The following ZNF385D variants were observed in gnomAD, a reference collection of about 807,000 sequenced individuals.
The protein encoded by ZNF385D is zinc finger protein 659.
A neutral mutation model predicts 35.8 loss-of-function variants in ZNF385D; 15 were observed. That is an observed-to-expected ratio of 0.42 (90% CI 0.28 to 0.64). ZNF385D has a LOEUF of 0.64. Among genes scored for constraint, ZNF385D ranks in the 30% least tolerant of loss-of-function variants. The pLI is 0.23. For synonymous variants in ZNF385D, 212 were observed against 186.8 expected, an observed-to-expected ratio of 1.13 and a Z score of -1.10; for missense variants, 474 against 494.6, an observed-to-expected ratio of 0.96 and a Z score of 0.39.
At chr3:22,096,690 T>C (rs1270731011) in intron 3 of ZNF385D, among the ~76,000 whole-genome samples, 3 of 151,990 alleles carry the variant, frequency 2.0e-5, no homozygotes, top group Non-Finnish European at 4.4e-5. Flanking sequence ...TGTGATGCAG[T>C]CAAAATAAAG....
At chr3:22,165,902 A>G (rs1489589347) in intron 3 of ZNF385D, among the ~76,000 whole-genome samples, 1 of 152,170 alleles carries the variant, frequency 6.6e-6, no homozygotes, top group African/African-American at 2.4e-5. Context: ...CTTTCTATTG[A>G]TTCCTGCTCT....
At chr3:22,061,046 A>C (rs2125541423) in intron 3 of ZNF385D, among the ~76,000 whole-genome samples, 1 of 152,264 alleles carries the variant, frequency 6.6e-6, no homozygotes, top group Non-Finnish European at 1.5e-5. Flanking sequence ...TTGATTTCTC[A>C]TTCTCTGAGG....
intron 2 of ZNF385D, among the ~76,000 whole-genome samples, chr3:21,565,879 C>A (rs975302): frequency 6.6e-6 from 1 of 151,542 alleles, no homozygotes; most frequent in South Asian, 2.1e-4. Flanking sequence ...AGAAATGACT[C>A]TCTAATATTC....
chr3:22,100,436 A>G (rs1370774811), intron 3 of ZNF385D, among the ~76,000 whole-genome samples: 2 of 151,266 alleles, frequency 1.3e-5, no homozygotes, highest in Non-Finnish European at 2.9e-5. Context: ...ACCAACCCAA[A>G]TGTCCAACAA....
rs148168228 is a variant in ZNF385D at position 21,443,862 on chromosome 3, T to C, written c.440-6659A>G. Among the ~76,000 whole-genome samples the C allele has an allele frequency of 2.6e-5, 4 of 152,298 alleles. No individual in the cohort carries two copies. In the East Asian group the frequency reaches 7.7e-4, roughly 29 times the overall value. On this transcript the variant is annotated intron_variant, in intron 4 of 7. Coordinates refer to ENST00000281523, the MANE Select transcript of ZNF385D (RefSeq NM_024697.3). ...GATTTTAAAATTTACAAAACAAAAATATTGAACTGAAACTTTTGAGATGAT... is the reference window on the plus strand; with the variant it reads ...GATTTTAAAATTTACAAAACAAAAACATTGAACTGAAACTTTTGAGATGAT...
At chr3:21,882,700 G>A (rs1379156834) in intron 3 of ZNF385D, among the ~76,000 whole-genome samples, 1 of 151,930 alleles carries the variant, frequency 6.6e-6, no homozygotes, top group African/African-American at 2.4e-5. Context: ...CAATGCTCCC[G>A]ATTCTCAAAC....
intron 3 of ZNF385D, among the ~76,000 whole-genome samples, chr3:21,792,208 T>C (rs1237006376): frequency 6.6e-6 from 1 of 152,156 alleles, no homozygotes; most frequent in Admixed American, 6.5e-5. Flanking sequence ...AGATACATTC[T>C]GATGCCCCTC....
intron 3 of ZNF385D, among the ~76,000 whole-genome samples, chr3:22,166,481 G>C (rs1243725098): frequency 6.6e-6 from 1 of 152,158 alleles, no homozygotes; most frequent in Non-Finnish European, 1.5e-5. Flanking sequence ...TTCATTGCAA[G>C]TTCAACTATT....
chr3:22,213,279 CTGTT>C (rs72231159), intron 2 of ZNF385D, among the ~76,000 whole-genome samples: 49,561 of 151,648 alleles, frequency 0.33, 8,234 homozygotes, highest in Middle Eastern at 0.37. Flanking sequence ...GCATATTCTT[CTGTT>C]TTTGTTTTGT....
chr3:21,639,136 A>T (rs946325248), intron 2 of ZNF385D, among the ~76,000 whole-genome samples: 2 of 152,136 alleles, frequency 1.3e-5, no homozygotes, highest in Non-Finnish European at 2.9e-5. Context: ...TTCAAGAACA[A>T]CTAAGATAAA....
At chr3:22,311,559 A>T (rs1454114689) in intron 2 of ZNF385D, among the ~76,000 whole-genome samples, 22 of 152,136 alleles carry the variant, frequency 1.4e-4, no homozygotes, top group Non-Finnish European at 4.4e-5. Context: ...AAAGACAAAG[A>T]CTGGTGGAAA....
intron 3 of ZNF385D, among the ~76,000 whole-genome samples, chr3:21,816,005 A>T (rs967087219): frequency 6.6e-6 from 1 of 152,164 alleles, no homozygotes; most frequent in Non-Finnish European, 1.5e-5. Context: ...GCTTCATCCC[A>T]GGGATGCAAG....
At chr3:22,147,871 C>T (rs1395179640) in intron 3 of ZNF385D, among the ~76,000 whole-genome samples, 5 of 152,070 alleles carry the variant, frequency 3.3e-5, no homozygotes, top group Non-Finnish European at 7.4e-5. Flanking sequence ...TTTTGCTGAG[C>T]TTGAATTTGG....
chr3:21,784,895 T>C (rs1189720462), intron 3 of ZNF385D, among the ~76,000 whole-genome samples: 2 of 152,160 alleles, frequency 1.3e-5, no homozygotes, highest in Non-Finnish European at 1.5e-5. Flanking sequence ...CTTTAATTTA[T>C]CATGGACTTT....
chr3:22,091,816 T>G (rs947118394), intron 3 of ZNF385D, among the ~76,000 whole-genome samples: 5 of 152,244 alleles, frequency 3.3e-5, no homozygotes, highest in Non-Finnish European at 5.9e-5. Flanking sequence ...AACATTTGTA[T>G]GTCTCCTTCT....
At chr3:21,681,079 C>T (rs75460855) in intron 1 of ZNF385D, among the ~76,000 whole-genome samples, 3,636 of 152,034 alleles carry the variant, frequency 0.024, 142 homozygotes, top group African/African-American at 0.083. Flanking sequence ...TAGGTCTCAA[C>T]TGACTGGTAA....
At chr3:22,133,317 T>A (rs1006225121) in intron 3 of ZNF385D, among the ~76,000 whole-genome samples, 1 of 152,040 alleles carries the variant, frequency 6.6e-6, no homozygotes, top group Non-Finnish European at 1.5e-5. Flanking sequence ...AAAAGCAGTC[T>A]CCTCAGATTA....
chr3:21,556,716 G>C (rs2062754244), intron 3 of ZNF385D, among the ~76,000 whole-genome samples: 1 of 151,342 alleles, frequency 6.6e-6, no homozygotes, highest in African/African-American at 2.4e-5. Flanking sequence ...TGTGAAGAGA[G>C]TTAATGGTAG....
intron 5 of ZNF385D, among the ~76,000 whole-genome samples, chr3:21,428,983 GA>G (rs1211507092): frequency 1.7e-5 from 2 of 115,570 alleles, no homozygotes; most frequent in African/African-American, 6.3e-5. Flanking sequence ...GTATTTGGGG[GA>G]AAGATACATA....
Sources: allele counts gnomAD v4.1 joint callset (sites outside exome capture counted in the v4.1 genomes callset), GRCh38; gene constraint gnomAD v4.1.1; transcripts MANE v1.5; gene names NCBI Gene and HGNC (gene_info 2026-07-23, HGNC 2026-07-21).